MAPK10: variants seen among roughly 807,000 people sequenced by gnomAD.
MAPK10 encodes JNK3 alpha protein kinase.
A neutral mutation model predicts 59.3 loss-of-function variants in MAPK10; 25 were observed. The ratio of observed to expected loss-of-function variants is 0.42; its 90% CI spans 0.31 to 0.59. MAPK10 has a LOEUF of 0.59. Among genes scored for constraint, MAPK10 ranks in the 20% least tolerant of loss-of-function variants. The pLI is 0.15. For synonymous variants in MAPK10, 190 were observed against 200.5 expected, an observed-to-expected ratio of 0.95 and a Z score of 0.44; for missense variants, 351 against 568.9, an observed-to-expected ratio of 0.62 and a Z score of 3.90.
In MAPK10 at chr4:86,257,833, G is replaced by T. The variant is rs551868317; in HGVS notation, c.-6-63426C>A. Among the ~76,000 whole-genome samples, 9 of 152,022 alleles carry T rather than the reference G, an allele frequency of 5.9e-5. No individual in the cohort carries two copies. In the South Asian group the frequency reaches 1.9e-3, roughly 32 times the overall value. ...CTCTCCATTTGTTCCCAATTCATCAGTCCATTCCTATTTATTCTCTTTTCT... is the reference window on the plus strand; with the variant it reads ...CTCTCCATTTGTTCCCAATTCATCATTCCATTCCTATTTATTCTCTTTTCT... On this transcript the variant is annotated intron_variant, in intron 2 of 13. Transcript: ENST00000641462.
rs777428691 is a variant in MAPK10, at chr4:86,159,279, G to A, written c.236+19C>T. 8 of 1,577,562 alleles carry A rather than the reference G, an allele frequency of 5.1e-6. No individual in the cohort carries two copies. The highest frequency in any genetic ancestry group is 6.9e-6 in the Non-Finnish European group (8 of 1,161,808). Reference sequence around the variant, plus strand: ...ACGGTGTGTTCCCTTTAAAAATACAGCAAATCCATTCCGCTTACCAAACTA... The same window carrying A: ...ACGGTGTGTTCCCTTTAAAAATACAACAAATCCATTCCGCTTACCAAACTA... On this transcript the variant is annotated intron_variant, in intron 4 of 13. Transcript: ENST00000641462.
chr4:86,566,441 C>T (rs1236745933), intron 1 of MAPK10, among the ~76,000 whole-genome samples: 3 of 152,044 alleles, frequency 2.0e-5, no homozygotes, highest in Non-Finnish European at 4.4e-5. Context: ...AGGCCGGGCG[C>T]GGTGGCTCAC....
intron 1 of MAPK10, among the ~76,000 whole-genome samples, chr4:86,366,559 C>T (rs1255514957): frequency 6.6e-6 from 1 of 151,996 alleles, no homozygotes; most frequent in African/African-American, 2.4e-5. Flanking sequence ...ATAGGAAAGG[C>T]CAGAGTCACC....
At chr4:86,020,584 A>G in intron 13 of MAPK10, 1 of 163,584 alleles carries the variant, frequency 6.1e-6, no homozygotes, top group South Asian at 1.8e-4. Context: ...GGTGAGTGTT[A>G]CAGCTCTTAA....
intron 2 of MAPK10, among the ~76,000 whole-genome samples, chr4:86,250,973 G>A (rs1322173404): frequency 2.0e-5 from 3 of 151,986 alleles, no homozygotes; most frequent in Non-Finnish European, 4.4e-5. Context: ...GAACCAACTA[G>A]CCAATAATTT....
chr4:86,491,170 G>A (rs1243757856), intron 1 of MAPK10, among the ~76,000 whole-genome samples: 1 of 152,162 alleles, frequency 6.6e-6, no homozygotes, highest in Non-Finnish European at 1.5e-5. Context: ...GCAGTGCTGT[G>A]ATGGATGAAA....
At chr4:86,242,752 T>A (rs2092816482) in intron 2 of MAPK10, among the ~76,000 whole-genome samples, 1 of 152,212 alleles carries the variant, frequency 6.6e-6, no homozygotes, top group South Asian at 2.1e-4. Flanking sequence ...GCTCTTCCCC[T>A]GCCCAGAGAG....
At chr4:86,383,153 G>T (rs1043847613) in intron 1 of MAPK10, among the ~76,000 whole-genome samples, 1 of 152,164 alleles carries the variant, frequency 6.6e-6, no homozygotes, top group African/African-American at 2.4e-5. Flanking sequence ...TCCTTCCCAT[G>T]AAGTCTTGTT....
chr4:86,375,363 G>A (rs1739617732), intron 1 of MAPK10, among the ~76,000 whole-genome samples: 1 of 152,128 alleles, frequency 6.6e-6, no homozygotes, highest in Non-Finnish European at 1.5e-5. Context: ...ACTTGCAAGA[G>A]CTTGCAGTGA....
intron 2 of MAPK10, among the ~76,000 whole-genome samples, chr4:86,256,903 CCATTGCGCCCGT>C (rs1463928895): frequency 2.8e-5 from 3 of 109,020 alleles, no homozygotes; most frequent in African/African-American, 1.7e-4. Flanking sequence ...ATTGCGCCCG[CCATTGCGCCCGT>C]CTAATTTTTT....
At chr4:86,277,364 A>G (rs2094615799) in intron 2 of MAPK10, 1 of 152,154 alleles carries the variant, frequency 6.6e-6, no homozygotes, top group African/African-American at 2.4e-5. Flanking sequence ...TATAGACATC[A>G]TCTGTGGCAT....
chr4:86,312,536 T>C (rs2095691053), intron 2 of MAPK10, among the ~76,000 whole-genome samples: 1 of 152,108 alleles, frequency 6.6e-6, no homozygotes, highest in African/African-American at 2.4e-5. Flanking sequence ...AAAATTAGAA[T>C]TCAAACTCTT....
intron 2 of MAPK10, among the ~76,000 whole-genome samples, chr4:86,199,281 GAA>G (rs912290526): frequency 6.6e-6 from 1 of 151,662 alleles, no homozygotes; most frequent in African/African-American, 2.4e-5. Context: ...ATGAACTCTG[GAA>G]AAAAACAAAT....
intron 1 of MAPK10, among the ~76,000 whole-genome samples, chr4:86,407,034 T>C (rs1022534638): frequency 6.6e-6 from 1 of 152,186 alleles, no homozygotes; most frequent in Non-Finnish European, 1.5e-5. Flanking sequence ...AGACAAGGAA[T>C]GAATCTCTGG....
At chr4:86,509,996 A>G (rs1291149187) in intron 1 of MAPK10, among the ~76,000 whole-genome samples, 7 of 152,224 alleles carry the variant, frequency 4.6e-5, no homozygotes, top group Non-Finnish European at 1.5e-5. Context: ...AAATTCCTTA[A>G]GAAATCCTAT....
At chr4:86,562,048 A>G (rs1250371381) in intron 1 of MAPK10, among the ~76,000 whole-genome samples, 2 of 152,162 alleles carry the variant, frequency 1.3e-5, no homozygotes, top group Non-Finnish European at 2.9e-5. Flanking sequence ...TTGCATAACT[A>G]TCCTGTTCAA....
chr4:86,370,214 A>G (rs1394191962), intron 1 of MAPK10, among the ~76,000 whole-genome samples: 1 of 152,184 alleles, frequency 6.6e-6, no homozygotes, highest in African/African-American at 2.4e-5. Flanking sequence ...GCAGCACTAT[A>G]GAACTAATAA....
intron 1 of MAPK10, among the ~76,000 whole-genome samples, chr4:86,447,683 G>T (rs940910847): frequency 6.6e-6 from 1 of 151,498 alleles, no homozygotes; most frequent in African/African-American, 2.4e-5. Context: ...AATCTATGAA[G>T]ATAAACCATG....
chr4:86,584,206 C>T (rs1762506090), intron 1 of MAPK10, among the ~76,000 whole-genome samples: 1 of 152,160 alleles, frequency 6.6e-6, no homozygotes, highest in South Asian at 2.1e-4. Flanking sequence ...AAGCCCAGCC[C>T]AGCTCTAGCT....
Sources: gnomAD v4.1 joint callset for allele counts (sites outside exome capture counted in the v4.1 genomes callset) on GRCh38, gnomAD v4.1.1 for gene constraint, MANE v1.5 for transcripts, NCBI Gene and HGNC (gene_info 2026-07-23, HGNC 2026-07-21) for gene names.